Variants in BRINP1 observed in about 807,000 individuals in gnomAD.
BRINP1 encodes BMP/retinoic acid-inducible neural-specific protein 1.
In BRINP1, 17 loss-of-function variants were observed where a neutral mutation model predicts 72.9. The ratio of observed to expected loss-of-function variants is 0.23; its 90% CI spans 0.16 to 0.35. The LOEUF is 0.35. Among genes scored for constraint, BRINP1 ranks in the 10% least tolerant of loss-of-function variants. BRINP1 has a pLI of 1.00. For missense variants in BRINP1, 850 were observed against 1,001.6 expected (o/e 0.85, Z 2.04); for synonymous variants, 418 against 378.5 (o/e 1.10, Z -1.21).
Position 119,342,553 on chromosome 9 carries a change from T to C in BRINP1, c.-51+26503A>G, listed in dbSNP as rs1831415835. On this transcript the variant is annotated intron_variant, in intron 1 of 7. Coordinates refer to ENST00000265922, the MANE Select transcript of BRINP1 (RefSeq NM_014618.3). ...CAACAATTACCTTCTGACTATTACC[T>C]CATCTGCCTAAGCCTCCATTTATGT... 1.3e-5 allele frequency among the ~76,000 whole-genome samples: 2 copies of C among 152,192 alleles called. 1 individual carries two copies. Among genetic ancestry groups the C allele is most frequent in the South Asian group, 4.1e-4 (2 of 4,834 alleles).
At chr9:119,348,814 G>A (rs1030651426) in intron 1 of BRINP1, among the ~76,000 whole-genome samples, 1 of 152,260 alleles carries the variant, frequency 6.6e-6, no homozygotes, top group African/African-American at 2.4e-5. Flanking sequence ...GTGAAGCCAG[G>A]CCTGGTGCAT....
intron 5 of BRINP1, among the ~76,000 whole-genome samples, chr9:119,233,764 C>A (rs1414299365): frequency 1.3e-5 from 2 of 152,204 alleles, no homozygotes; most frequent in African/African-American, 4.8e-5. Flanking sequence ...TTACCAATAT[C>A]CCCAGAAATG....
At chr9:119,305,042 T>G (rs1470355119) in intron 2 of BRINP1, among the ~76,000 whole-genome samples, 2 of 152,232 alleles carry the variant, frequency 1.3e-5, no homozygotes, top group Non-Finnish European at 2.9e-5. Flanking sequence ...TAATCACACA[T>G]GGTACAATTT....
chr9:119,268,280 A>ATAGG (rs1830573115), intron 2 of BRINP1, among the ~76,000 whole-genome samples: 1 of 149,650 alleles, frequency 6.7e-6, no homozygotes, highest in Admixed American at 6.8e-5. Flanking sequence ...AGATAGATAG[A>ATAGG]TAGATAGATA....
intron 6 of BRINP1, among the ~76,000 whole-genome samples, chr9:119,212,680 T>A (rs543447325): frequency 6.6e-6 from 1 of 152,330 alleles, no homozygotes; most frequent in East Asian, 1.9e-4. Flanking sequence ...AAGACAGGAA[T>A]GCTTTTTTGC....
chr9:119,167,677 T>C lies in BRINP1; in HGVS notation c.1693A>G (p.Asn565Asp), dbSNP rs1829334520. ...TCCGAATGGCTCCCGCTAAAGGGGTTGACATAGACAAAGAACATGGGGTCC... is the reference window on the plus strand; with the variant it reads ...TCCGAATGGCTCCCGCTAAAGGGGTCGACATAGACAAAGAACATGGGGTCC... ...SLDPMFFVYV[N>D]PFSGSHSEGW... Residue 565 changes from asparagine (N) to aspartate (D), a missense_variant, in exon 8 of 8, where the codon AAC (asparagine) becomes GAC (aspartate). Asn to Asp is a conservative substitution (Grantham distance 23, BLOSUM62 1). Coordinates refer to ENST00000265922, the MANE Select transcript of BRINP1 (RefSeq NM_014618.3). The surrounding 1 kb of genome is among the most constrained non-coding windows in gnomAD (Gnocchi z 4.3). 6.2e-7 allele frequency: 1 copy of C among 1,613,960 alleles called. No individual in the cohort carries two copies. Among genetic ancestry groups the C allele is most frequent in the African/African-American group, 1.3e-5 (1 of 74,904 alleles).
chr9:119,256,953 A>T (rs1160281904), intron 2 of BRINP1, among the ~76,000 whole-genome samples: 1 of 152,196 alleles, frequency 6.6e-6, no homozygotes, highest in African/African-American at 2.4e-5. Flanking sequence ...TACACATCTT[A>T]TAGGCCGTAA....
chr9:119,285,945 C>A (rs1564238684), intron 2 of BRINP1, among the ~76,000 whole-genome samples: 1 of 152,152 alleles, frequency 6.6e-6, no homozygotes. Flanking sequence ...ACAAAACCAC[C>A]AACATCCCCG....
Position 119,208,899 on chromosome 9 carries a change from A to C in BRINP1, c.965T>G (p.Phe322Cys), listed in dbSNP as rs1010815675. Residue 322 changes from phenylalanine to cysteine, a missense_variant, in exon 7 of 8, where the codon TTC becomes TGC. Coordinates refer to ENST00000265922, the MANE Select transcript of BRINP1 (RefSeq NM_014618.3). ...CTGATGGATGCTTCCGATGGTCAGGAAGTGGTTGCTGGGGAGGCGCTTCAT... is the reference window on the plus strand; with the variant it reads ...CTGATGGATGCTTCCGATGGTCAGGCAGTGGTTGCTGGGGAGGCGCTTCAT... ...SFMKRLPSNH[F>C]LTIGSIHQHW... 6.2e-7 allele frequency: 1 copy of C among 1,614,006 alleles called. No individual in the cohort carries two copies. The highest frequency in any genetic ancestry group is 1.3e-5 in the African/African-American group (1 of 74,896).
chr9:119,212,924 TTTCTC>T (rs1432582755), intron 6 of BRINP1, among the ~76,000 whole-genome samples: 9 of 152,222 alleles, frequency 5.9e-5, no homozygotes, highest in African/African-American at 2.2e-4. Flanking sequence ...CAATATCCCT[TTTCTC>T]TTCAACTCTT....
chr9:119,344,547 C>T (rs1473330859), intron 1 of BRINP1, among the ~76,000 whole-genome samples: 1 of 152,216 alleles, frequency 6.6e-6, no homozygotes, highest in Non-Finnish European at 1.5e-5. Flanking sequence ...ATTTTAACCA[C>T]AGCCTCTAGT....
chr9:119,357,790 T>C (rs948574613), intron 1 of BRINP1, among the ~76,000 whole-genome samples: 1 of 152,194 alleles, frequency 6.6e-6, no homozygotes, highest in Non-Finnish European at 1.5e-5. Context: ...AGAGTCTGCA[T>C]GACAGACTTC....
intron 7 of BRINP1, among the ~76,000 whole-genome samples, chr9:119,208,041 TGA>T (rs1829876897): frequency 6.6e-6 from 1 of 152,164 alleles, no homozygotes; most frequent in South Asian, 2.1e-4. Context: ...TCTGTGCCCC[TGA>T]GAGAGTAGTA....
intron 4 of BRINP1, among the ~76,000 whole-genome samples, chr9:119,239,367 C>G (rs1393798630): frequency 6.6e-6 from 1 of 152,166 alleles, no homozygotes; most frequent in Admixed American, 6.5e-5. Flanking sequence ...CATTGTGCTG[C>G]CACAGGAGAA....
intron 7 of BRINP1, among the ~76,000 whole-genome samples, chr9:119,176,753 C>T (rs1467546240): frequency 6.6e-6 from 1 of 152,180 alleles, no homozygotes; most frequent in African/African-American, 2.4e-5. Context: ...TATTGAGACA[C>T]TCTCGGGGAT....
intron 1 of BRINP1, among the ~76,000 whole-genome samples, chr9:119,325,290 C>T (rs1228270081): frequency 1.3e-5 from 2 of 152,100 alleles, no homozygotes; most frequent in Non-Finnish European, 2.9e-5. Context: ...CCCAACCAAA[C>T]TCATTATCAC....
chr9:119,302,451 A>C (rs566571679), intron 2 of BRINP1, among the ~76,000 whole-genome samples: 4 of 152,196 alleles, frequency 2.6e-5, no homozygotes, highest in Non-Finnish European at 4.4e-5. Flanking sequence ...AATTGTTTGG[A>C]TCTAACTACT....
chr9:119,175,732 T>G (rs1006982499), intron 7 of BRINP1, among the ~76,000 whole-genome samples: 1 of 152,152 alleles, frequency 6.6e-6, no homozygotes, highest in Admixed American at 6.6e-5. Context: ...GGAACAAATA[T>G]GCAAGGCAGT....
Position 119,362,646 on chromosome 9 carries a change from C to T in BRINP1, c.-51+6410G>A, listed in dbSNP as rs555790374. Reference sequence around the variant, plus strand: ...CCAGCTTTCATTCTTTTTCACAACACTTCATTTAAATTACTTTATCCCCAC... The same window carrying T: ...CCAGCTTTCATTCTTTTTCACAACATTTCATTTAAATTACTTTATCCCCAC... On this transcript the variant is annotated intron_variant, in intron 1 of 7. Coordinates refer to ENST00000265922, the MANE Select transcript of BRINP1 (RefSeq NM_014618.3). Among the ~76,000 whole-genome samples, 109 of 152,274 alleles carry T rather than the reference C, an allele frequency of 7.2e-4. 1 individual carries two copies. Among genetic ancestry groups the T allele is most frequent in the Non-Finnish European group, 1.4e-3 (95 of 68,016 alleles).
Sources: gnomAD v4.1 joint callset for allele counts (sites outside exome capture counted in the v4.1 genomes callset) on GRCh38, gnomAD v4.1.1 for gene constraint, Gnocchi (gnomAD v3.1) non-coding constraint, MANE v1.5 for transcripts, NCBI Gene and HGNC (gene_info 2026-07-23, HGNC 2026-07-21) for gene names.